The following OXCT2 variants were observed in gnomAD, a reference collection of about 807,000 sequenced individuals.
OXCT2 encodes 3-oxoacid CoA-transferase 2.
For synonymous variants in OXCT2, 110 were observed against 298.4 expected, an observed-to-expected ratio of 0.37 and a Z score of 6.51; for missense variants, 317 against 695.7, an observed-to-expected ratio of 0.46 and a Z score of 6.12.
chr1:39,769,956 C>A lies in OXCT2; in HGVS notation c.1300G>T (p.Val434Leu), dbSNP rs1281234369. 1 of 1,564,544 alleles carries A rather than the reference C, an allele frequency of 6.4e-7. No individual in the cohort carries two copies. Among genetic ancestry groups the A allele is most frequent in the Admixed American group, 1.9e-5 (1 of 53,924 alleles). ...GTGCAGTGCTGCATGGTGACCACCA[C>A]TCTGGTCTTCTGACTGGACACCAAG... Reference protein sequence around the residue: ...MDLVSSQKTRVVVTMQHCTKD... With the variant: ...MDLVSSQKTRLVVTMQHCTKD... Residue 434 changes from valine (V) to leucine (L), a missense_variant, in exon 1 of 1, where the codon GTG (valine) becomes TTG (leucine). Transcript: ENST00000327582.
rs553851060 is a variant in OXCT2, at chr1:39,770,420, A to G, written c.836T>C (p.Ile279Thr). 18 of 1,608,012 alleles carry G rather than the reference A, an allele frequency of 1.1e-5. 1 individual carries two copies. The East Asian group carries it at 2.9e-4, about 26-fold the overall frequency. ...VIKGQKYEKR[I>T]ERLTILKEED... Reference sequence around the variant, plus strand: ...CTCTTTCAGGATCGTTAAGCGCTCAATTCGTTTCTCGTATTTCTGCCCCTT... The same window carrying G: ...CTCTTTCAGGATCGTTAAGCGCTCAGTTCGTTTCTCGTATTTCTGCCCCTT... Residue 279 changes from isoleucine to threonine, a missense_variant, in exon 1 of 1, where the codon ATT becomes ACT. Coordinates refer to ENST00000327582, the MANE Select transcript of OXCT2 (RefSeq NM_022120.2).
In OXCT2 at chr1:39,771,175, G is replaced by A. The variant is rs369784108; in HGVS notation, c.81C>T (p.Gly27=). Residue 27 remains glycine (G), a synonymous_variant, in exon 1 of 1, where the codon GGC becomes GGT. Transcript: ENST00000327582. The stretch of plus-strand genomic sequence containing the variant: ...GACTGGTGGCAAAGCAGCGGGCGCA[G>A]CCCTGGGACAGCGCGAGCCCTGAGC... ...AGGSGLALSQ[G]CARCFATSPR... 8.2e-4 allele frequency: 1,268 copies of A among 1,551,046 alleles called. 36 individuals are homozygous for A. The African/African-American group carries it at 0.016, about 19-fold the overall frequency.
Position 39,769,811 on chromosome 1 carries a change from G to A in OXCT2, c.1445C>T (p.Thr482Met), listed in dbSNP as rs377118062. ...CAGGCCCTCCCAGAGCTCCCTCAGC[G>A]TCAGCTCTTTCTTCCTGTGCACGTC... ...VFDVHRKKELTLRELWEGLTV... is the reference protein window; with the variant it reads ...VFDVHRKKELMLRELWEGLTV... Residue 482 changes from threonine to methionine, a missense_variant, in exon 1 of 1, where the codon ACG becomes ATG. By Grantham distance (81) the Thr-to-Met change is moderately conservative. Coordinates refer to ENST00000327582, the MANE Select transcript of OXCT2 (RefSeq NM_022120.2). 7 of 1,613,576 alleles carry A rather than the reference G, an allele frequency of 4.3e-6. No individual in the cohort carries two copies. The highest frequency in any genetic ancestry group is 4.0e-5 in the African/African-American group (3 of 74,866).
rs1471852589 is a variant in OXCT2, at chr1:39,771,269, C to A, written c.-14G>T. 4.0e-6 allele frequency: 6 copies of A among 1,509,714 alleles called. No homozygotes were observed. The highest frequency in any genetic ancestry group is 4.9e-5 in the East Asian group (2 of 40,532). The allele number at this position is 1,509,714 out of a possible 1,614,324, so 93.5% of individuals were successfully genotyped here. A position where few individuals can be genotyped will look rare whatever the true frequency, so the allele number is the denominator to read the frequency against. ...CAGCGCCGCCATAGTCGGCCCGGGTCGGAGGCCAGGACAGGTGGTGTGAGC... is the reference window on the plus strand; with the variant it reads ...CAGCGCCGCCATAGTCGGCCCGGGTAGGAGGCCAGGACAGGTGGTGTGAGC... On this transcript the variant is annotated 5_prime_UTR_variant, in exon 1 of 1. Transcript: ENST00000327582.
In OXCT2 at chr1:39,770,946, C is replaced by A. The variant is rs1649929569; in HGVS notation, c.310G>T (p.Ala104Ser). The A allele has an allele frequency of 1.7e-6, 2 of 1,178,118 alleles. No homozygotes were observed. Among genetic ancestry groups the A allele is most frequent in the Admixed American group, 2.2e-5 (1 of 46,076 alleles). 73.0% of individuals were successfully genotyped at this position (1,178,118 alleles called of 1,614,324 possible). ...ACGATGCGACGGACCTGCCTGGCGG[C>A]CAGCAGGAGGCCCAGGCCGAAGTCC... is the stretch of plus-strand genomic sequence containing the variant. ...VEDFGLGLLL[A>S]ARQVRRIVCS... is the part of the protein sequence containing the mutation. The change falls in exon 1 of 1, where the codon GCC becomes TCC. Residue 104 changes from alanine to serine, a missense_variant. Physicochemically the swap from Ala to Ser is moderately conservative, Grantham distance 99. Transcript: ENST00000327582.
Position 39,771,318 on chromosome 1 carries a change from G to C in OXCT2, c.-63C>G. On this transcript the variant is annotated 5_prime_UTR_variant, in exon 1 of 1. Transcript: ENST00000327582. ...GCCCTGCGTGCGCCTCGGGCCGCGC[G>C]TCACAGAGCAGGGCGGGCGCCCGCG... is the stretch of plus-strand genomic sequence containing the variant. 1 of 1,403,962 alleles carries C rather than the reference G, an allele frequency of 7.1e-7. No individual in the cohort carries two copies. Among genetic ancestry groups the C allele is most frequent in the Non-Finnish European group, 9.3e-7 (1 of 1,078,382 alleles). The allele number at this position is 1,403,962 out of a possible 1,614,324, so 87.0% of individuals were successfully genotyped here.
At position 39,770,493 on chromosome 1, in the gene OXCT2, G is replaced by A. The variant is rs991289372; in HGVS notation, c.763C>T (p.Pro255Ser). 5 of 1,610,218 alleles carry A rather than the reference G, an allele frequency of 3.1e-6. No individual in the cohort carries two copies. In the African/African-American group the frequency reaches 6.8e-5, roughly 22 times the overall value. The change falls in exon 1 of 1, where the codon CCC becomes TCC. Residue 255 changes from proline to serine, a missense_variant. Transcript: ENST00000327582. ...TTAGGAACGTGGATGTCTTCTGGGG[G>A]GAAAGCCCCCACCTCCACGATCTCT... ...VEEIVEVGAFPPEDIHVPNIY... is the reference protein window; with the variant it reads ...VEEIVEVGAFSPEDIHVPNIY...
At position 39,769,677 on chromosome 1, in the gene OXCT2, C is replaced by G; in HGVS notation, c.*25G>C. ...GGTGGCACCCGCCCTGAGGAGCGCA[C>G]CACCCCGCCCAGATCCAGGTCCCGT... On this transcript the variant is annotated 3_prime_UTR_variant, in exon 1 of 1. Transcript: ENST00000327582. 1 of 1,568,166 alleles carries G rather than the reference C, an allele frequency of 6.4e-7. No homozygotes were observed.
At position 39,770,696 on chromosome 1, in the gene OXCT2, C is replaced by G. The variant is rs1649906360; in HGVS notation, c.560G>C (p.Arg187Pro). 1 of 1,315,890 alleles carries G rather than the reference C, an allele frequency of 7.6e-7. No homozygotes were observed. 81.5% of individuals were successfully genotyped at this position (1,315,890 alleles called of 1,614,324 possible). Residue 187 changes from arginine to proline, a missense_variant, in exon 1 of 1, where the codon CGA (arginine) becomes CCA (proline). By Grantham distance (103) the Arg-to-Pro change is moderately radical. Coordinates refer to ENST00000327582, the MANE Select transcript of OXCT2 (RefSeq NM_022120.2). Reference sequence around the variant, plus strand: ...GTCGCCGTTGAACTCCCTCACCTCTCGGGGCTGGCTCATGAGCGCCAGGTG... The same window carrying G: ...GTCGCCGTTGAACTCCCTCACCTCTGGGGGCTGGCTCATGAGCGCCAGGTG... ...DGHLALMSQP[R>P]EVREFNGDHF...
chr1:39,771,257 G>T lies in OXCT2; in HGVS notation c.-2C>A. On this transcript the variant is annotated 5_prime_UTR_variant, in exon 1 of 1. Transcript: ENST00000327582. ...CGCCAGGAGCCGCAGCGCCGCCATA[G>T]TCGGCCCGGGTCGGAGGCCAGGACA... 6.6e-7 allele frequency: 1 copy of T among 1,512,994 alleles called. No individual in the cohort carries two copies. Among genetic ancestry groups the T allele is most frequent in the East Asian group, 2.5e-5 (1 of 40,550 alleles). The allele number at this position is 1,512,994 out of a possible 1,614,324, so 93.7% of individuals were successfully genotyped here.
At position 39,769,723 on chromosome 1, in the gene OXCT2, G is replaced by T; in HGVS notation, c.1533C>A (p.Pro511=). The T allele has an allele frequency of 1.2e-6, 2 of 1,609,894 alleles. No individual in the cohort carries two copies. The highest frequency in any genetic ancestry group is 1.7e-6 in the Non-Finnish European group (2 of 1,177,540). Residue 511 remains proline, a synonymous_variant, in exon 1 of 1, where the codon CCC becomes CCA. Coordinates refer to ENST00000327582, the MANE Select transcript of OXCT2 (RefSeq NM_022120.2). ...CAFAVSPNLR[P]MQQVAP ...CCCGTCAGGGTGCCACCTGCTGCAT[G>T]GGCCTGAGGTTCGGGGACACAGCAA... is the stretch of plus-strand genomic sequence containing the variant.
Position 39,769,793 on chromosome 1 carries a change from T to C in OXCT2, c.1463A>G (p.Glu488Gly). Residue 488 changes from glutamate to glycine, a missense_variant, in exon 1 of 1, where the codon GAG becomes GGG. Glu to Gly is a moderately conservative substitution (Grantham distance 98). Transcript: ENST00000327582. ...KKELTLRELW[E>G]GLTVDDIKKS... Reference sequence around the variant, plus strand: ...TTTGATGTCGTCCACCGTCAGGCCCTCCCAGAGCTCCCTCAGCGTCAGCTC... The same window carrying C: ...TTTGATGTCGTCCACCGTCAGGCCCCCCCAGAGCTCCCTCAGCGTCAGCTC... 6.2e-7 allele frequency: 1 copy of C among 1,613,560 alleles called. No homozygotes were observed. Among genetic ancestry groups the C allele is most frequent in the Non-Finnish European group, 8.5e-7 (1 of 1,179,812 alleles).
At position 39,770,492 on chromosome 1, in the gene OXCT2, G is replaced by C; in HGVS notation, c.764C>G (p.Pro255Arg). ...VEEIVEVGAF[P>R]PEDIHVPNIY... Reference sequence around the variant, plus strand: ...GTTAGGAACGTGGATGTCTTCTGGGGGGAAAGCCCCCACCTCCACGATCTC... The same window carrying C: ...GTTAGGAACGTGGATGTCTTCTGGGCGGAAAGCCCCCACCTCCACGATCTC... Residue 255 changes from proline to arginine, a missense_variant, in exon 1 of 1, where the codon CCC becomes CGC. Transcript: ENST00000327582. The C allele has an allele frequency of 6.2e-7, 1 of 1,610,322 alleles. No homozygotes were observed. Among genetic ancestry groups the C allele is most frequent in the Non-Finnish European group, 8.5e-7 (1 of 1,179,196 alleles).
chr1:39,771,035 A>T lies in OXCT2; in HGVS notation c.221T>A (p.Ile74Asn). The change falls in exon 1 of 1, where the codon ATC becomes AAC. Residue 74 changes from isoleucine (I) to asparagine (N), a missense_variant. Physicochemically the swap from Ile to Asn is moderately radical, Grantham distance 149 (BLOSUM62 -3). Coordinates refer to ENST00000327582, the MANE Select transcript of OXCT2 (RefSeq NM_022120.2). ...CACGCGGGTCCTGAGCAGCGCGGCG[A>T]TCAGGTTCTCGGGGATCCCGCAGAG... ...FGLCGIPENL[I>N]AALLRTRVKD... is the part of the protein sequence containing the mutation. The T allele has an allele frequency of 6.6e-7, 1 of 1,510,784 alleles. No individual in the cohort carries two copies. Among genetic ancestry groups the T allele is most frequent in the Non-Finnish European group, 8.9e-7 (1 of 1,118,824 alleles). The allele number at this position is 1,510,784 out of a possible 1,614,324, so 93.6% of individuals were successfully genotyped here.
Position 39,769,804 on chromosome 1 carries a change from C to G in OXCT2, c.1452G>C (p.Arg484Ser). The part of the protein sequence containing the change: ...DVHRKKELTL[R>S]ELWEGLTVDD... ...CCACCGTCAGGCCCTCCCAGAGCTCCCTCAGCGTCAGCTCTTTCTTCCTGT... is the reference window on the plus strand; with the variant it reads ...CCACCGTCAGGCCCTCCCAGAGCTCGCTCAGCGTCAGCTCTTTCTTCCTGT... The change falls in exon 1 of 1, where the codon AGG becomes AGC. Residue 484 changes from arginine (R) to serine (S), a missense_variant. Coordinates refer to ENST00000327582, the MANE Select transcript of OXCT2 (RefSeq NM_022120.2). 1 of 1,613,708 alleles carries G rather than the reference C, an allele frequency of 6.2e-7. No individual in the cohort carries two copies. Among genetic ancestry groups the G allele is most frequent in the South Asian group, 1.1e-5 (1 of 91,006 alleles).
In OXCT2 at chr1:39,770,485, T is replaced by C. The variant is rs751918220; in HGVS notation, c.771A>G (p.Glu257=). 14 of 1,610,394 alleles carry C rather than the reference T, an allele frequency of 8.7e-6. No homozygotes were observed. The South Asian group carries it at 1.4e-4, about 16-fold the overall frequency. ...CATAAATGTTAGGAACGTGGATGTCTTCTGGGGGGAAAGCCCCCACCTCCA... is the reference window on the plus strand; with the variant it reads ...CATAAATGTTAGGAACGTGGATGTCCTCTGGGGGGAAAGCCCCCACCTCCA... ...EIVEVGAFPP[E]DIHVPNIYVD... is the part of the protein sequence containing the mutation. Residue 257 remains glutamate, a synonymous_variant, in exon 1 of 1, where the codon GAA becomes GAG. Transcript: ENST00000327582.
At position 39,769,844 on chromosome 1, in the gene OXCT2, G is replaced by A. The variant is rs1199701175; in HGVS notation, c.1412C>T (p.Ala471Val). 1 of 1,612,570 alleles carries A rather than the reference G, an allele frequency of 6.2e-7. No homozygotes were observed. Residue 471 changes from alanine (A) to valine (V), a missense_variant, in exon 1 of 1, where the codon GCC becomes GTC. Coordinates refer to ENST00000327582, the MANE Select transcript of OXCT2 (RefSeq NM_022120.2). ...TTTCTTCCTGTGCACGTCAAACACG[G>A]CCTTCTCGGTGATGATGCGGTCCAC... Reference protein sequence around the residue: ...RCVDRIITEKAVFDVHRKKEL... With the variant: ...RCVDRIITEKVVFDVHRKKEL...
In OXCT2 at chr1:39,771,279, G is replaced by A; in HGVS notation, c.-24C>T. 6.7e-7 allele frequency: 1 copy of A among 1,499,246 alleles called. No individual in the cohort carries two copies. Among genetic ancestry groups the A allele is most frequent in the East Asian group, 2.5e-5 (1 of 40,078 alleles). 92.9% of individuals were successfully genotyped at this position (1,499,246 alleles called of 1,614,324 possible). ...ATAGTCGGCCCGGGTCGGAGGCCAG[G>A]ACAGGTGGTGTGAGCCCTGCGTGCG... On this transcript the variant is annotated 5_prime_UTR_variant, in exon 1 of 1. Coordinates refer to ENST00000327582, the MANE Select transcript of OXCT2 (RefSeq NM_022120.2).
Position 39,769,862 on chromosome 1 carries a change from C to A in OXCT2, c.1394G>T (p.Arg465Leu), listed in dbSNP as rs749210713. ...MPLTGKRCVDRIITEKAVFDV... is the reference protein window; with the variant it reads ...MPLTGKRCVDLIITEKAVFDV... ...AAACACGGCCTTCTCGGTGATGATG[C>A]GGTCCACGCACCGCTTCCCGGTCAG... The change falls in exon 1 of 1, where the codon CGC (arginine) becomes CTC (leucine). Residue 465 changes from arginine (R) to leucine (L), a missense_variant. By Grantham distance (102) the Arg-to-Leu change is moderately radical. Transcript: ENST00000327582. The A allele has an allele frequency of 1.2e-6, 2 of 1,611,490 alleles. No individual in the cohort carries two copies. The highest frequency in any genetic ancestry group is 4.5e-5 in the East Asian group (2 of 44,538).
Sources: gnomAD v4.1 joint callset for allele counts on GRCh38, gnomAD v4.1.1 for gene constraint, MANE v1.5 for transcripts, NCBI Gene and HGNC (gene_info 2026-07-23, HGNC 2026-07-21) for gene names.